Variants in MTRF1L observed in about 807,000 individuals in gnomAD.
MTRF1L encodes mitochondrial translation release factor 1 like.
Under a neutral mutation model 40.0 loss-of-function variants are expected in MTRF1L, and 29 were observed. The observed-to-expected ratio is 0.73, with a 90% CI of 0.54 to 0.99. The LOEUF (loss-of-function observed/expected upper bound fraction) is 0.99, where lower values mean the gene tolerates loss of function less well. Among genes scored for constraint, MTRF1L ranks in the 50% least tolerant of loss-of-function variants. The pLI, the probability that MTRF1L is intolerant of heterozygous loss-of-function variation, is 0.00. For missense variants in MTRF1L, 412 were observed against 464.5 expected (o/e 0.89, Z 1.04); for synonymous variants, 150 against 175.8 (o/e 0.85, Z 1.16).
chr6:152,994,516 A>G lies in MTRF1L; in HGVS notation c.684T>C (p.Thr228=), dbSNP rs1778640673. 1.2e-6 allele frequency: 2 copies of G among 1,609,256 alleles called. No homozygotes were observed. Among genetic ancestry groups the G allele is most frequent in the African/African-American group, 1.3e-5 (1 of 74,748 alleles). ...AGGAGAGGGGCTTATGCCTTACCTC[A>G]GTAGGCTGGGGTAATATTGCTACAG... is the stretch of plus-strand genomic sequence containing the variant. ...TMTVAILPQP[T]EINLVINPKD... is the part of the protein sequence containing the mutation. The change falls in exon 4 of 7, where the codon ACT becomes ACC. Residue 228 remains threonine, a synonymous_variant. Coordinates refer to ENST00000367233, the MANE Select transcript of MTRF1L (RefSeq NM_019041.7).
At chr6:152,991,539 G>GTCTT (rs749836591) in intron 5 of MTRF1L, 388 of 419,460 alleles carry the variant, frequency 9.2e-4, no homozygotes, top group Non-Finnish European at 1.4e-3. Flanking sequence ...ATAGCACAAA[G>GTCTT]TCTTTCTTTC....
At chr6:152,991,081 A>G in intron 6 of MTRF1L, 104 bp downstream of exon 6, 1 of 711,958 alleles carries the variant, frequency 1.4e-6, no homozygotes, top group Non-Finnish European at 2.2e-6. Context: ...ATTGTTTTCA[A>G]CACAGGTTAA....
Position 152,990,057 on chromosome 6 carries a change from A to G in MTRF1L, c.981T>C (p.Tyr327=), listed in dbSNP as rs1342967274. 6.2e-6 allele frequency: 10 copies of G among 1,613,238 alleles called. No homozygotes were observed. Among genetic ancestry groups the G allele is most frequent in the South Asian group, 1.1e-5 (1 of 91,020 alleles). Residue 327 remains tyrosine, a synonymous_variant, in exon 7 of 7, where the codon TAT becomes TAC. Transcript: ENST00000367233. Reference sequence around the variant, plus strand: ...CTGTGACCCGGTTCTGTGGAAAATTATATGTTCTTATTTTCTCTGATCTTC... The same window carrying G: ...CTGTGACCCGGTTCTGTGGAAAATTGTATGTTCTTATTTTCTCTGATCTTC... ...SKGRSEKIRT[Y]NFPQNRVTDH...
At chr6:153,001,888 A>G (rs1778929517) in intron 1 of MTRF1L, among the ~76,000 whole-genome samples, 1 of 152,230 alleles carries the variant, frequency 6.6e-6, no homozygotes, top group Non-Finnish European at 1.5e-5. Flanking sequence ...CTAACTTTCC[A>G]TGGTCTATAA....
intron 6 of MTRF1L, among the ~76,000 whole-genome samples, chr6:152,990,751 G>T (rs59443013): frequency 6.6e-6 from 1 of 152,140 alleles, no homozygotes; most frequent in Admixed American, 6.5e-5. Flanking sequence ...TTGAACCCAG[G>T]GGGTGGAAGT....
rs368117360 is a variant in MTRF1L at position 153,002,412 on chromosome 6, G to C, written c.259+15C>G. ...GAATGTGCTCTGACGCCTCTCCCCC[G>C]GGCCCGACCCTTACCGTGCAGCAAG... On this transcript the variant is annotated intron_variant, in intron 1 of 6. Coordinates refer to ENST00000367233, the MANE Select transcript of MTRF1L (RefSeq NM_019041.7). 117 of 1,613,790 alleles carry C rather than the reference G, an allele frequency of 7.3e-5. No individual in the cohort carries two copies. The highest frequency in any genetic ancestry group is 8.8e-5 in the Non-Finnish European group (104 of 1,179,860).
At chr6:152,990,391 A>G (rs966799252) in intron 6 of MTRF1L, 14 of 317,356 alleles carry the variant, frequency 4.4e-5, no homozygotes, top group Non-Finnish European at 7.6e-5. Context: ...GATGATGACA[A>G]TAGAGCCTGG....
At chr6:152,995,424 G>C in intron 2 of MTRF1L, 105 bp from the exon 3 acceptor site, 1 of 1,036,494 alleles carries the variant, frequency 9.6e-7, no homozygotes, top group Non-Finnish European at 1.4e-6. Flanking sequence ...GTTTCGCCAA[G>C]CAAATAATGT....
At position 152,992,964 on chromosome 6, in the gene MTRF1L, A is replaced by G; in HGVS notation, c.698T>C (p.Val233Ala). 6.2e-7 allele frequency: 1 copy of G among 1,611,812 alleles called. No homozygotes were observed. The highest frequency in any genetic ancestry group is 8.5e-7 in the Non-Finnish European group (1 of 1,178,378). The change falls in exon 5 of 7, where the codon GTG (valine) becomes GCG (alanine). Residue 233 changes from valine to alanine, a missense_variant. By Grantham distance (64) the Val-to-Ala change is moderately conservative. Transcript: ENST00000367233. ...AATTCTCAAATCTTTCGGATTAATC[A>G]CCAGATTAATCTATACAGAAGAAAA... Reference protein sequence around the residue: ...ILPQPTEINLVINPKDLRIDT... With the variant: ...ILPQPTEINLAINPKDLRIDT...
In MTRF1L at chr6:152,994,593, G is replaced by A. The variant is rs1054681303; in HGVS notation, c.607C>T (p.Gln203Ter). 3.1e-6 allele frequency: 5 copies of A among 1,613,598 alleles called. No individual in the cohort carries two copies. In the South Asian group the frequency reaches 5.5e-5, roughly 18 times the overall value. ...TGCTTTTCTGTCTTTGGCACTCTTT[G>A]TACTCTGTGAACACCTCCTTCAAAT... The part of the protein sequence containing the change: ...MKFEGGVHRV[Q>*]RVPKTEKQGR... The change falls in exon 4 of 7, where the codon CAA becomes TAA. Residue 203 changes from glutamine (Q) to a stop codon, truncating the protein, a stop_gained. Coordinates refer to ENST00000367233, the MANE Select transcript of MTRF1L (RefSeq NM_019041.7). LOFTEE classifies it high-confidence loss of function.
intron 4 of MTRF1L, among the ~76,000 whole-genome samples, chr6:152,994,295 G>C (rs1265511808): frequency 6.6e-6 from 1 of 151,852 alleles, no homozygotes; most frequent in East Asian, 1.9e-4. Flanking sequence ...TACTTATTAG[G>C]AAAATACTAA....
intron 6 of MTRF1L, among the ~76,000 whole-genome samples, chr6:152,990,811 C>T (rs1353256466): frequency 2.0e-5 from 3 of 151,902 alleles, no homozygotes; most frequent in Admixed American, 6.6e-5. Context: ...GTGACAAGAG[C>T]GGAACTCCAT....
At chr6:152,993,073 A>T in intron 4 of MTRF1L, 99 bp from the exon 5 acceptor site, 1 of 859,122 alleles carries the variant, frequency 1.2e-6, no homozygotes, top group East Asian at 2.5e-5. Flanking sequence ...TACAGAATTC[A>T]TATATTTGGG....
At chr6:152,998,771 A>G (rs1778807570) in intron 1 of MTRF1L, 142 bp from the exon 2 acceptor site, 1 of 432,458 alleles carries the variant, frequency 2.3e-6, no homozygotes, top group Non-Finnish European at 4.0e-6. Context: ...ATACCATTCA[A>G]TAAATGCCTT....
At position 152,991,173 on chromosome 6, in the gene MTRF1L, TTC is replaced by T. The variant is rs144101470; in HGVS notation, c.942+10_942+11del. 180,290 of 1,475,142 alleles carry T rather than the reference TTC, an allele frequency of 0.12. 11,602 individuals are homozygous for T. The highest frequency in any genetic ancestry group is 0.19 in the South Asian group (14,648 of 75,772). 91.4% of individuals were successfully genotyped at this position (1,475,142 alleles called of 1,614,324 possible). A position where few individuals can be genotyped will look rare whatever the true frequency, so the allele number is the denominator to read the frequency against. ...CTATCCTTTAAAAGCATTTTTAAAATTCTTTTTTTACCTGAATTTTTCTAGCA... is the reference window on the plus strand; with the variant it reads ...CTATCCTTTAAAAGCATTTTTAAAATTTTTTTTACCTGAATTTTTCTAGCA... On this transcript the variant is annotated intron_variant, in intron 6 of 6. Coordinates refer to ENST00000367233, the MANE Select transcript of MTRF1L (RefSeq NM_019041.7).
At chr6:152,990,207 G>T in intron 6 of MTRF1L, 112 bp from the exon 7 acceptor site, 1 of 1,407,426 alleles carries the variant, frequency 7.1e-7, no homozygotes, top group South Asian at 1.5e-5. Flanking sequence ...TCAAATGCGA[G>T]AACCAGGTTT....
intron 6 of MTRF1L, 128 bp downstream of exon 6, chr6:152,991,057 C>G (rs1272966326): frequency 1.0e-5 from 6 of 588,940 alleles, no homozygotes; most frequent in South Asian, 2.4e-5. Flanking sequence ...AAGGATAGCC[C>G]TTAGACTACT....
rs1778374281 is a variant in MTRF1L, at chr6:152,987,377, C to T, written c.*2518G>A. On this transcript the variant is annotated 3_prime_UTR_variant, in exon 7 of 7. Coordinates refer to ENST00000367233, the MANE Select transcript of MTRF1L (RefSeq NM_019041.7). ...ATACAGATCATGGATGTATTGTATA[C>T]ACAGTGGAAAGCTGGTTTTATTTGG... 1 of 152,144 alleles carries T rather than the reference C, an allele frequency of 6.6e-6. No individual in the cohort carries two copies. Among genetic ancestry groups the T allele is most frequent in the Admixed American group, 6.5e-5 (1 of 15,280 alleles). 9.4% of individuals were successfully genotyped at this position (152,144 alleles called of 1,614,324 possible).
chr6:153,002,434 C>G lies in MTRF1L; in HGVS notation c.252G>C (p.Leu84Phe), dbSNP rs1378547996. 1 of 1,613,978 alleles carries G rather than the reference C, an allele frequency of 6.2e-7. No homozygotes were observed. The highest frequency in any genetic ancestry group is 8.5e-7 in the Non-Finnish European group (1 of 1,179,862). ...CCCGGGCCCGACCCTTACCGTGCAG[C>G]AAGTGCTCAGTCTCCCGCAGCTCCC... The part of the protein sequence containing the change: ...KERELRETEH[L>F]LHDENEDLRK... Residue 84 changes from leucine to phenylalanine, a missense_variant, in exon 1 of 7, where the codon TTG (leucine) becomes TTC (phenylalanine). Transcript: ENST00000367233.
Sources: allele counts gnomAD v4.1 joint callset (sites outside exome capture counted in the v4.1 genomes callset), GRCh38; gene constraint gnomAD v4.1.1; transcripts MANE v1.5; gene names NCBI Gene and HGNC (gene_info 2026-07-23, HGNC 2026-07-21).